The following SEMA3D variants were observed in gnomAD, a reference collection of about 807,000 sequenced individuals.
SEMA3D encodes semaphorin-3D.
In SEMA3D, 84 loss-of-function variants were observed where a neutral mutation model predicts 100.1. The ratio of observed to expected loss-of-function variants is 0.84; its 90% CI spans 0.70 to 1.01. SEMA3D has a LOEUF of 1.01. Among genes scored for constraint, SEMA3D ranks in the 50% least tolerant of loss-of-function variants. The probability of loss-of-function intolerance (pLI) is 0.00; values close to 1 mark genes in which losing one functional copy is unlikely to be tolerated. For missense variants in SEMA3D, 875 were observed against 934.1 expected, an observed-to-expected ratio of 0.94 and a Z score of 0.82; for synonymous variants, 312 against 320.7, an observed-to-expected ratio of 0.97 and a Z score of 0.29.
At chr7:85,226,487 A>G in the SEMA3D span, among the ~76,000 whole-genome samples, 4 of 152,290 alleles carry the variant, frequency 2.6e-5, no homozygotes, top group Admixed American at 2.6e-4. Context: ...TCACTTAAAT[A>G]TGGAATTAAA....
At chr7:85,211,449 A>G in the SEMA3D span, among the ~76,000 whole-genome samples, 11 of 152,102 alleles carry the variant, frequency 7.2e-5, no homozygotes, top group Non-Finnish European at 1.5e-4. Flanking sequence ...TGATACTTGA[A>G]TTATGAACAT....
chr7:85,068,753 T>C (rs565572879), intron 6 of SEMA3D, among the ~76,000 whole-genome samples: 14 of 152,234 alleles, frequency 9.2e-5, no homozygotes, highest in African/African-American at 2.2e-4. Flanking sequence ...AACCCTGTAA[T>C]AGTTTTTAAA....
intron 9 of SEMA3D, among the ~76,000 whole-genome samples, chr7:85,042,602 G>T (rs186774870): frequency 1.5e-3 from 232 of 152,248 alleles, no homozygotes; most frequent in Non-Finnish European, 2.8e-3. Context: ...ACCTGCAAGA[G>T]ACTATTTTTT....
At chr7:85,124,415 T>C (rs988993153) in intron 2 of SEMA3D, among the ~76,000 whole-genome samples, 2 of 151,996 alleles carry the variant, frequency 1.3e-5, no homozygotes, top group Admixed American at 6.6e-5. Flanking sequence ...TATTCACTTA[T>C]ATATATTCTT....
At chr7:85,109,446 T>G (rs950299347) in intron 3 of SEMA3D, among the ~76,000 whole-genome samples, 3 of 152,020 alleles carry the variant, frequency 2.0e-5, no homozygotes, top group Non-Finnish European at 2.9e-5. Context: ...TTCTATTGCT[T>G]CTTCTACTTC....
chr7:85,020,264 T>G lies in SEMA3D; in HGVS notation c.1472A>C (p.Glu491Ala), dbSNP rs945753892. 6.2e-7 allele frequency: 1 copy of G among 1,610,072 alleles called. No individual in the cohort carries two copies. Residue 491 changes from glutamate (E) to alanine (A), a missense_variant, in exon 14 of 19, where the codon GAG (glutamate) becomes GCG (alanine). Physicochemically the swap from Glu to Ala is moderately radical, Grantham distance 107. Coordinates refer to ENST00000284136, the MANE Select transcript of SEMA3D (RefSeq NM_001384900.1). ...SISKEKWNME[E>A]VVLEELQIFK... is the part of the protein sequence containing the mutation. ...TATCTGCAACTCCTCCAGCACTACC[T>G]CTTCCATATTCCACTTTTCCTTTGA...
chr7:85,154,697 T>C (rs1790532171), intron 1 of SEMA3D, among the ~76,000 whole-genome samples: 1 of 152,284 alleles, frequency 6.6e-6, no homozygotes, highest in Non-Finnish European at 1.5e-5. Flanking sequence ...AAAGTGCACT[T>C]TGTAAACGTA....
intron 9 of SEMA3D, among the ~76,000 whole-genome samples, chr7:85,048,867 A>C: frequency 6.6e-6 from 1 of 151,898 alleles, no homozygotes; most frequent in East Asian, 1.9e-4. Flanking sequence ...ACATGTAGAA[A>C]TATAACATGT....
At chr7:85,085,755 T>C (rs1788196392) in intron 4 of SEMA3D, among the ~76,000 whole-genome samples, 1 of 152,210 alleles carries the variant, frequency 6.6e-6, no homozygotes, top group Non-Finnish European at 1.5e-5. Flanking sequence ...AACTCTAATA[T>C]AATAGTTTGG....
the SEMA3D span, among the ~76,000 whole-genome samples, chr7:85,206,984 T>C: frequency 6.6e-6 from 1 of 152,110 alleles, no homozygotes. Flanking sequence ...AATAAGGAAT[T>C]TGATAAGGAT....
chr7:85,166,386 T>C (rs1790905567), intron 1 of SEMA3D, among the ~76,000 whole-genome samples: 1 of 151,974 alleles, frequency 6.6e-6, no homozygotes, highest in Non-Finnish European at 1.5e-5. Context: ...CATGAAAGTT[T>C]GAATCATGGT....
intron 1 of SEMA3D, among the ~76,000 whole-genome samples, chr7:85,185,334 T>G (rs1213467836): frequency 1.3e-5 from 2 of 151,350 alleles, no homozygotes; most frequent in Non-Finnish European, 2.9e-5. Flanking sequence ...CCCCCTCGTC[T>G]CTGCGCGCCC....
intron 11 of SEMA3D, among the ~76,000 whole-genome samples, chr7:85,039,962 GCAAA>G (rs1364360337): frequency 1.4e-5 from 2 of 142,976 alleles, no homozygotes; most frequent in African/African-American, 5.3e-5. Flanking sequence ...TAATATATAC[GCAAA>G]CACTTTTTTT....
chr7:85,083,560 A>G (rs1267781839), intron 4 of SEMA3D, among the ~76,000 whole-genome samples: 36 of 152,226 alleles, frequency 2.4e-4, no homozygotes. Flanking sequence ...TAAAAATTGC[A>G]TCGGCCGGGC....
At chr7:85,107,319 G>A (rs1788957464) in intron 3 of SEMA3D, among the ~76,000 whole-genome samples, 1 of 152,000 alleles carries the variant, frequency 6.6e-6, no homozygotes, top group South Asian at 2.1e-4. Flanking sequence ...TGCCCAAGGA[G>A]CATCATCTGG....
At chr7:85,151,139 G>A (rs552856374) in intron 2 of SEMA3D, among the ~76,000 whole-genome samples, 60 of 150,920 alleles carry the variant, frequency 4.0e-4, no homozygotes, top group African/African-American at 1.4e-3. Context: ...AATTAGAGAC[G>A]TTATCTGATA....
chr7:85,245,386 G>A, the SEMA3D span, among the ~76,000 whole-genome samples: 1 of 152,116 alleles, frequency 6.6e-6, no homozygotes, highest in Non-Finnish European at 1.5e-5. Flanking sequence ...GGAAATTTAA[G>A]CATAGCACAG....
At chr7:85,237,534 G>A in the SEMA3D span, among the ~76,000 whole-genome samples, 28 of 152,252 alleles carry the variant, frequency 1.8e-4, no homozygotes, top group African/African-American at 4.8e-4. Flanking sequence ...AAATCATGCC[G>A]TATGTAGACT....
chr7:85,175,233 G>A (rs745414277), intron 1 of SEMA3D, among the ~76,000 whole-genome samples: 2 of 152,094 alleles, frequency 1.3e-5, no homozygotes, highest in East Asian at 3.9e-4. Flanking sequence ...ATGAATAAAA[G>A]TACTAGTTCC....
Sources: allele counts gnomAD v4.1 joint callset (sites outside exome capture counted in the v4.1 genomes callset), GRCh38; gene constraint gnomAD v4.1.1; transcripts MANE v1.5; gene names NCBI Gene and HGNC (gene_info 2026-07-23, HGNC 2026-07-21).